Variants in DCAF6 observed in about 807,000 individuals in gnomAD.
The protein encoded by DCAF6 is DDB1 and CUL4 associated factor 6.
In DCAF6, 54 loss-of-function variants were observed where a neutral mutation model predicts 125.1. The observed-to-expected ratio is 0.43, with a 90% CI of 0.35 to 0.54. DCAF6 has a LOEUF of 0.54. DCAF6 is among the 20% of genes least tolerant of loss of function. The probability of loss-of-function intolerance (pLI) is 0.01; values close to 1 mark genes in which losing one functional copy is unlikely to be tolerated. For missense variants in DCAF6, 934 were observed against 1,161.7 expected, an observed-to-expected ratio of 0.80 and a Z score of 2.85; for synonymous variants, 371 against 390.4, an observed-to-expected ratio of 0.95 and a Z score of 0.58.
the DCAF6 span, among the ~76,000 whole-genome samples, chr1:167,921,073 A>C: frequency 6.6e-6 from 1 of 152,116 alleles, no homozygotes; most frequent in Admixed American, 6.6e-5. Flanking sequence ...TGCCAATGTT[A>C]TCATTTTTAA....
the DCAF6 span, among the ~76,000 whole-genome samples, chr1:167,885,291 T>C: frequency 2.0e-4 from 31 of 152,206 alleles, no homozygotes; most frequent in Non-Finnish European, 4.3e-4. Flanking sequence ...TTCTTTTCTT[T>C]TGAGTATGTA....
upstream of DCAF6, among the ~76,000 whole-genome samples, chr1:167,934,245 C>G (rs80029875): frequency 0.03 from 4,509 of 152,216 alleles, 199 homozygotes; most frequent in African/African-American, 0.1. Context: ...GACTACCCTC[C>G]AATTTTGTAT....
chr1:167,972,208 C>T (rs1367569165), intron 3 of DCAF6, among the ~76,000 whole-genome samples: 3 of 152,202 alleles, frequency 2.0e-5, no homozygotes, highest in Non-Finnish European at 4.4e-5. Flanking sequence ...TTTTAATCAG[C>T]CTTATTGCTG....
chr1:167,869,441 G>T, the DCAF6 span, among the ~76,000 whole-genome samples: 3 of 152,256 alleles, frequency 2.0e-5, no homozygotes, highest in Non-Finnish European at 4.4e-5. Context: ...GGAAGAGAGA[G>T]ACCCTCTCAT....
At chr1:167,920,110 CT>C in the DCAF6 span, 1 of 1,497,098 alleles carries the variant, frequency 6.7e-7, no homozygotes, top group Non-Finnish European at 9.3e-7. Flanking sequence ...CAAAATGTTA[CT>C]TTAAAAAGAA....
At chr1:168,011,140 T>G (rs1284908441) in intron 10 of DCAF6, among the ~76,000 whole-genome samples, 1 of 138,616 alleles carries the variant, frequency 7.2e-6, no homozygotes, top group African/African-American at 2.8e-5. Context: ...TTTTTTGAGA[T>G]GGAGTCTTGC....
chr1:168,005,638 A>T (rs1228564327), intron 10 of DCAF6, among the ~76,000 whole-genome samples: 1 of 152,318 alleles, frequency 6.6e-6, no homozygotes, highest in East Asian at 1.9e-4. Flanking sequence ...GGCAGGCCTA[A>T]GCTGAAACCT....
At chr1:167,979,915 G>A (rs1403596007) in intron 4 of DCAF6, among the ~76,000 whole-genome samples, 1 of 151,726 alleles carries the variant, frequency 6.6e-6, no homozygotes, top group Non-Finnish European at 1.5e-5. Context: ...GGGCGCAGTG[G>A]CTCACACCCA....
chr1:168,063,899 A>G (rs1297127021), intron 18 of DCAF6, 140 bp downstream of exon 18: 2 of 787,438 alleles, frequency 2.5e-6, no homozygotes, highest in East Asian at 3.2e-5. Context: ...TTTATCCAAC[A>G]TGGTTCTTTT....
chr1:168,055,342 T>TG (rs1451684827), intron 17 of DCAF6, among the ~76,000 whole-genome samples: 1 of 55,336 alleles, frequency 1.8e-5, no homozygotes, highest in Non-Finnish European at 3.7e-5. Flanking sequence ...TTTTTTTTTT[T>TG]TTTTTTTTTT....
intron 4 of DCAF6, among the ~76,000 whole-genome samples, chr1:167,977,194 G>A (rs921337604): frequency 1.3e-5 from 2 of 148,716 alleles, no homozygotes; most frequent in Admixed American, 6.7e-5. Flanking sequence ...ATGAACCACC[G>A]TGCCTGGGCC....
chr1:168,065,197 A>G (rs1163256472), intron 18 of DCAF6, among the ~76,000 whole-genome samples: 1 of 152,216 alleles, frequency 6.6e-6, no homozygotes, highest in Non-Finnish European at 1.5e-5. Context: ...CTGTAAATAT[A>G]GTATTGAACA....
chr1:167,874,704 G>A, the DCAF6 span, among the ~76,000 whole-genome samples: 1 of 152,108 alleles, frequency 6.6e-6, no homozygotes, highest in African/African-American at 2.4e-5. Flanking sequence ...ACCAAAAACT[G>A]GAAATAACCC....
At chr1:167,891,981 T>C in the DCAF6 span, among the ~76,000 whole-genome samples, 5 of 151,722 alleles carry the variant, frequency 3.3e-5, no homozygotes, top group East Asian at 7.7e-4. Flanking sequence ...CTTTTCTTTT[T>C]TTTTTTTTTA....
intron 1 of DCAF6, among the ~76,000 whole-genome samples, chr1:167,950,713 A>G (rs1263856394): frequency 4.6e-5 from 7 of 152,152 alleles, no homozygotes; most frequent in Admixed American, 1.3e-4. Context: ...TTACTTAATT[A>G]TTGTTCTTTG....
the DCAF6 span, among the ~76,000 whole-genome samples, chr1:167,884,854 T>C: frequency 1.3e-5 from 2 of 152,152 alleles, no homozygotes; most frequent in Admixed American, 6.5e-5. Flanking sequence ...TGCACCACCA[T>C]GCCTGGCTAA....
chr1:167,884,900 G>A, the DCAF6 span, among the ~76,000 whole-genome samples: 1 of 152,024 alleles, frequency 6.6e-6, no homozygotes, highest in Non-Finnish European at 1.5e-5. Context: ...GTTTCACTGT[G>A]TTAGTCAGAC....
the DCAF6 span, chr1:167,918,505 C>G: frequency 2.1e-6 from 1 of 483,140 alleles, no homozygotes; most frequent in East Asian, 3.3e-5. Context: ...GGAGGGCTTA[C>G]AGGTAGAAAC....
At chr1:168,003,107 T>C (rs1682868841) in intron 8 of DCAF6, among the ~76,000 whole-genome samples, 1 of 152,164 alleles carries the variant, frequency 6.6e-6, no homozygotes, top group Admixed American at 6.5e-5. Flanking sequence ...TAATGACTTC[T>C]GAAACATCTC....
Sources: allele counts gnomAD v4.1 joint callset (sites outside exome capture counted in the v4.1 genomes callset), GRCh38; gene constraint gnomAD v4.1.1; transcripts MANE v1.5; gene names NCBI Gene and HGNC (gene_info 2026-07-23, HGNC 2026-07-21).